The following MAPK3 variants were observed in gnomAD, a reference collection of about 807,000 sequenced individuals.
The protein encoded by MAPK3 is mitogen-activated protein kinase 3.
In MAPK3, 30 loss-of-function variants were observed where a neutral mutation model predicts 41.8. The observed-to-expected ratio is 0.72, with a 90% CI of 0.54 to 0.97. MAPK3 has a LOEUF of 0.97. Ranked by LOEUF, MAPK3 falls within the 50% of genes least tolerant of loss-of-function variation. The probability of loss-of-function intolerance (pLI) is 0.00; values close to 1 mark genes in which losing one functional copy is unlikely to be tolerated. For synonymous variants in MAPK3, 222 were observed against 213.4 expected (o/e 1.04, Z -0.35); for missense variants, 413 against 509.9 (o/e 0.81, Z 1.83).
rs758801293 is a variant in MAPK3, at chr16:30,117,183, G to C, written c.878C>G (p.Ala293Gly). 4 of 1,614,082 alleles carry C rather than the reference G, an allele frequency of 2.5e-6. 1 individual carries two copies. In the South Asian group the frequency reaches 4.4e-5, roughly 18 times the overall value. ...GGAGTCTGACTTGGGGAAAAGCTTG[G>C]CCCAAGCCACCTTGGTCTTGGAGGG... ...SLPSKTKVAW[A>G]KLFPKSDSKA... is the part of the protein sequence containing the mutation. Residue 293 changes from alanine (A) to glycine (G), a missense_variant, in exon 6 of 9, where the codon GCC becomes GGC. By Grantham distance (60) the Ala-to-Gly change is moderately conservative (BLOSUM62 0). Transcript: ENST00000263025.
intron 8 of MAPK3, 35 bp downstream of exon 8, chr16:30,116,601 C>A: frequency 6.3e-7 from 1 of 1,590,382 alleles, no homozygotes; most frequent in Non-Finnish European, 8.6e-7. Flanking sequence ...TATTTAGTAT[C>A]AGGGTGTCCA....
In MAPK3 at chr16:30,117,617, C is replaced by A. The variant is rs2072970465; in HGVS notation, c.775+53G>T. ...TCCCTGACTTGGACTCTCGAGAAAT[C>A]TCACCTCGGAAAAGCTAATCATCCC... is the stretch of plus-strand genomic sequence containing the variant. On this transcript the variant is annotated intron_variant, in intron 5 of 8. Coordinates refer to ENST00000263025, the MANE Select transcript of MAPK3 (RefSeq NM_002746.3). 7 of 1,430,130 alleles carry A rather than the reference C, an allele frequency of 4.9e-6. No individual in the cohort carries two copies. In the South Asian group the frequency reaches 6.9e-5, roughly 14 times the overall value. 88.6% of individuals were successfully genotyped at this position (1,430,130 alleles called of 1,614,324 possible).
chr16:30,115,424 G>A (rs560851414), intron 8 of MAPK3, among the ~76,000 whole-genome samples: 1 of 152,182 alleles, frequency 6.6e-6, no homozygotes, highest in Non-Finnish European at 1.5e-5. Flanking sequence ...CAGCGTGGGT[G>A]GGGGCAGGCC....
intron 3 of MAPK3, 65 bp from the exon 4 acceptor site, chr16:30,118,228 C>T: frequency 1.9e-6 from 3 of 1,575,008 alleles, no homozygotes; most frequent in Non-Finnish European, 2.6e-6. Context: ...AGTCACGCCC[C>T]CTTGTCTTTG....
intron 1 of MAPK3, chr16:30,122,295 C>A (rs2073024572): frequency 2.1e-6 from 1 of 479,416 alleles, no homozygotes; most frequent in Admixed American, 3.4e-5. Context: ...GAACCCTTCG[C>A]CCCCATTCCC....
At position 30,122,879 on chromosome 16, in the gene MAPK3, T is replaced by C; in HGVS notation, c.170+161A>G. 6 of 529,586 alleles carry C rather than the reference T, an allele frequency of 1.1e-5. No individual in the cohort carries two copies. The South Asian group carries it at 1.2e-4, about 11-fold the overall frequency. 32.8% of individuals were successfully genotyped at this position (529,586 alleles called of 1,614,324 possible). ...CAGCGCCCCCTCCCCCAGAAAGCAC[T>C]CAGGGGCCCCCTCCCTGGGACGCTC... On this transcript the variant is annotated intron_variant, in intron 1 of 8. Coordinates refer to ENST00000263025, the MANE Select transcript of MAPK3 (RefSeq NM_002746.3).
intron 2 of MAPK3, among the ~76,000 whole-genome samples, chr16:30,119,734 T>C (rs1242017947): frequency 3.3e-5 from 5 of 152,254 alleles, no homozygotes; most frequent in Admixed American, 3.3e-4. Flanking sequence ...AGGAGAGTGC[T>C]TGGCCATACC....
In MAPK3 at chr16:30,118,088, T is replaced by C; in HGVS notation, c.619A>G (p.Thr207Ala). The change falls in exon 4 of 9, where the codon ACG (threonine) becomes GCG (alanine). Residue 207 changes from threonine (T) to alanine (A), a missense_variant. Thr to Ala is a moderately conservative substitution (Grantham distance 58). This residue lies in a region of MAPK3 where 140 missense variants were observed against 206.0 expected (regional missense o/e 0.68). Transcript: ENST00000263025. Reference protein sequence around the residue: ...HTGFLTEYVATRWYRAPEIML... With the variant: ...HTGFLTEYVAARWYRAPEIML... Reference sequence around the variant, plus strand: ...ATCTCTGGGGCCCGGTACCAGCGCGTAGCCACATACTCCGTCAGGAAGCCG... The same window carrying C: ...ATCTCTGGGGCCCGGTACCAGCGCGCAGCCACATACTCCGTCAGGAAGCCG... 14 of 1,614,106 alleles carry C rather than the reference T, an allele frequency of 8.7e-6. No individual in the cohort carries two copies. Among genetic ancestry groups the C allele is most frequent in the Non-Finnish European group, 1.2e-5 (14 of 1,180,028 alleles).
chr16:30,115,669 G>C (rs1596877231), intron 8 of MAPK3: 1 of 152,172 alleles, frequency 6.6e-6, no homozygotes, highest in South Asian at 2.1e-4. Context: ...AGAATGGCTT[G>C]TGGGGCTGGA....
In MAPK3 at chr16:30,116,750, T is replaced by C. The variant is rs773193659; in HGVS notation, c.1058A>G (p.Asp353Gly). The change falls in exon 8 of 9, where the codon GAT becomes GGT. Residue 353 changes from aspartate to glycine, a missense_variant. Asp to Gly is a moderately conservative substitution (Grantham distance 94). Transcript: ENST00000263025. ...CTTCAGCCGCTCCTTAGGTAGGTCATCCAGCTCCATGGCGAAGGTGAAGGG... is the reference window on the plus strand; with the variant it reads ...CTTCAGCCGCTCCTTAGGTAGGTCACCCAGCTCCATGGCGAAGGTGAAGGG... ...EEPFTFAMEL[D>G]DLPKERLKEL... is the part of the protein sequence containing the mutation. The C allele has an allele frequency of 3.1e-5, 50 of 1,613,758 alleles. No individual in the cohort carries two copies. Among genetic ancestry groups the C allele is most frequent in the Non-Finnish European group, 8.5e-6 (10 of 1,179,974 alleles).
At position 30,120,151 on chromosome 16, in the gene MAPK3, A is replaced by G. The variant is rs2073001277; in HGVS notation, c.354-1613T>C. ...GCCACTGCACTCTAGCCTGGGCAAC[A>G]GAGGGAGACTCCATCTAAAAACAAA... is the stretch of plus-strand genomic sequence containing the variant. On this transcript the variant is annotated intron_variant, in intron 2 of 8. Transcript: ENST00000263025. 2.0e-5 allele frequency among the ~76,000 whole-genome samples: 3 copies of G among 152,344 alleles called. No homozygotes were observed. In the South Asian group the frequency reaches 6.2e-4, roughly 32 times the overall value.
In MAPK3 at chr16:30,121,854, C is replaced by G; in HGVS notation, c.323G>C (p.Arg108Pro). Residue 108 changes from arginine (R) to proline (P), a missense_variant, in exon 2 of 9, where the codon CGG (arginine) becomes CCG (proline). This residue lies in a region of MAPK3 where 140 missense variants were observed against 206.0 expected (regional missense o/e 0.68). Transcript: ENST00000263025. ...TCTCATGGCTTCCAGGGTGGACGCC[C>G]GCAGAATGTCTCGGATGCCGATGAC... ...ENVIGIRDIL[R>P]ASTLEAMRDV... 1 of 1,614,086 alleles carries G rather than the reference C, an allele frequency of 6.2e-7. No individual in the cohort carries two copies. Among genetic ancestry groups the G allele is most frequent in the Non-Finnish European group, 8.5e-7 (1 of 1,180,022 alleles).
chr16:30,118,561 C>A, intron 2 of MAPK3, 23 bp from the exon 3 acceptor site: 2 of 1,598,540 alleles, frequency 1.3e-6, no homozygotes, highest in South Asian at 2.2e-5. Flanking sequence ...CCGCAGACCC[C>A]CCCAGGCAGG....
chr16:30,116,934 G>A lies in MAPK3; in HGVS notation c.977C>T (p.Ala326Val). 1 of 1,613,872 alleles carries A rather than the reference G, an allele frequency of 6.2e-7. No individual in the cohort carries two copies. The highest frequency in any genetic ancestry group is 1.1e-5 in the South Asian group (1 of 91,038). The change falls in exon 7 of 9, where the codon GCT becomes GTT. Residue 326 changes from alanine to valine, a missense_variant. Ala to Val is a moderately conservative substitution (Grantham distance 64, BLOSUM62 0). Coordinates refer to ENST00000263025, the MANE Select transcript of MAPK3 (RefSeq NM_002746.3). ...ATAGTACTGCTCCAGGTAGGGGTGA[G>A]CCAGCGCTTCCTCCACTGTGATCCG... is the stretch of plus-strand genomic sequence containing the variant. Reference protein sequence around the residue: ...NKRITVEEALAHPYLEQYYDP... With the variant: ...NKRITVEEALVHPYLEQYYDP...
Position 30,116,791 on chromosome 16 carries a change from C to A in MAPK3, c.1018-1G>T. The A allele has an allele frequency of 6.2e-7, 1 of 1,613,908 alleles. No homozygotes were observed. Among genetic ancestry groups the A allele is most frequent in the East Asian group, 2.2e-5 (1 of 44,850 alleles). Reference sequence around the variant, plus strand: ...AGGTGAAGGGCTCCTCGGCCACTGGCTGGGGTGGTAGAGACAGCAAGGCTC... The same window carrying A: ...AGGTGAAGGGCTCCTCGGCCACTGGATGGGGTGGTAGAGACAGCAAGGCTC... On this transcript the variant is annotated splice_acceptor_variant, in intron 7 of 8. Coordinates refer to ENST00000263025, the MANE Select transcript of MAPK3 (RefSeq NM_002746.3). LOFTEE classifies it high-confidence loss of function.
chr16:30,116,859 GC>G, intron 7 of MAPK3, 34 bp downstream of exon 7: 1 of 1,613,374 alleles, frequency 6.2e-7, no homozygotes, highest in Non-Finnish European at 8.5e-7. Context: ...CTGCTCCCCT[GC>G]CCCCAGCCCC....
At chr16:30,116,553 T>C (rs896523273) in intron 8 of MAPK3, 83 bp downstream of exon 8, 5 of 1,418,098 alleles carry the variant, frequency 3.5e-6, no homozygotes, top group Non-Finnish European at 4.8e-6. Flanking sequence ...TATGGAGGCA[T>C]GTACAGATAG....
chr16:30,120,603 G>T (rs1277345061), intron 2 of MAPK3, among the ~76,000 whole-genome samples: 4 of 151,844 alleles, frequency 2.6e-5, no homozygotes, highest in Admixed American at 2.6e-4. Context: ...AGAAGGACAA[G>T]TTCCCATCTG....
Position 30,121,951 on chromosome 16 carries a change from A to G in MAPK3, c.226T>C (p.Phe76Leu). The change falls in exon 2 of 9, where the codon TTC becomes CTC. Residue 76 changes from phenylalanine (F) to leucine (L), a missense_variant. By Grantham distance (22) the Phe-to-Leu change is conservative. Transcript: ENST00000263025. ...CGCTGGCAGTAGGTCTGATGTTCGA[A>G]GGGGCTGATCTTCTTGATGGCCACG... ...TRVAIKKISP[F>L]EHQTYCQRTL... The G allele has an allele frequency of 6.2e-7, 1 of 1,614,146 alleles. No homozygotes were observed. The highest frequency in any genetic ancestry group is 2.2e-5 in the East Asian group (1 of 44,884).
Sources: allele counts gnomAD v4.1 joint callset (sites outside exome capture counted in the v4.1 genomes callset), GRCh38; gene constraint gnomAD v4.1.1; regional missense constraint gnomAD v4.1.1; transcripts MANE v1.5; gene names NCBI Gene and HGNC (gene_info 2026-07-23, HGNC 2026-07-21).